Variants in KHDC4 observed in about 807,000 individuals in gnomAD.
KHDC4 encodes the protein KH domain containing 4, pre-mRNA splicing factor.
In KHDC4, 19 loss-of-function variants were observed where a neutral mutation model predicts 74.5. The observed-to-expected ratio is 0.26, with a 90% CI of 0.18 to 0.37. KHDC4 has a LOEUF of 0.37. Among genes scored for constraint, KHDC4 ranks in the 10% least tolerant of loss-of-function variants. The pLI is 1.00. For missense variants in KHDC4, 632 were observed against 754.1 expected, an observed-to-expected ratio of 0.84 and a Z score of 1.90; for synonymous variants, 253 against 266.1, an observed-to-expected ratio of 0.95 and a Z score of 0.48.
At chr1:155,927,832 C>CCACACACACACACACA (rs199711249) in intron 4 of KHDC4, among the ~76,000 whole-genome samples, 115 of 90,934 alleles carry the variant, frequency 1.3e-3, no homozygotes, top group Middle Eastern at 6.3e-3. Context: ...AAAAAAAAAA[C>CCACACACACACACACA]CACACACACA....
At chr1:155,929,568 C>T in intron 3 of KHDC4, 144 bp downstream of exon 3, 2 of 1,061,854 alleles carry the variant, frequency 1.9e-6, no homozygotes, top group South Asian at 3.2e-5. Context: ...CATTATCTTC[C>T]TCTGAAGTTA....
intron 6 of KHDC4, chr1:155,926,413 T>A: frequency 5.7e-6 from 2 of 352,818 alleles, no homozygotes; most frequent in Non-Finnish European, 5.2e-6. Context: ...CCCTGCAACC[T>A]CCACCTCCCG....
Position 155,914,262 on chromosome 1 carries a change from A to G in KHDC4, c.1704T>C (p.Ala568=), listed in dbSNP as rs2102595027. 1 of 1,614,082 alleles carries G rather than the reference A, an allele frequency of 6.2e-7. No individual in the cohort carries two copies. The highest frequency in any genetic ancestry group is 8.5e-7 in the Non-Finnish European group (1 of 1,179,986). ...CCTCCTCTTCATCAGATGAATCTGC[A>G]GCATAAGCCACCAAGCCAAATCCCT... is the stretch of plus-strand genomic sequence containing the variant. The part of the protein sequence containing the change: ...TEKGFGLVAY[A]ADSSDEEEEH... Residue 568 remains alanine, a synonymous_variant, in exon 14 of 14, where the codon GCT becomes GCC. Transcript: ENST00000368321.
rs2102600510 is a variant in KHDC4, at chr1:155,921,392, G to A, written c.1249C>T (p.Pro417Ser). 1 of 1,614,076 alleles carries A rather than the reference G, an allele frequency of 6.2e-7. No individual in the cohort carries two copies. Among genetic ancestry groups the A allele is most frequent in the Middle Eastern group, 1.6e-4 (1 of 6,062 alleles). ...CATCCTACCTGTCCAGTGCTAGCTG[G>A]AGGCTGCACTTGTGTTATCGGGTAT... ...TQYPITQVQP[P>S]ASTGQSPMGG... Residue 417 changes from proline (P) to serine (S), a missense_variant, in exon 10 of 14, where the codon CCA (proline) becomes TCA (serine). By Grantham distance (74) the Pro-to-Ser change is moderately conservative. This residue lies in a region of KHDC4 where 254 missense variants were observed against 267.4 expected (regional missense o/e 0.95). Transcript: ENST00000368321.
intron 4 of KHDC4, among the ~76,000 whole-genome samples, chr1:155,928,559 C>A (rs1674071764): frequency 7.7e-6 from 1 of 130,516 alleles, no homozygotes; most frequent in Non-Finnish European, 1.6e-5. Context: ...TAAGTCTTTA[C>A]CTGAATAATC....
intron 4 of KHDC4, among the ~76,000 whole-genome samples, chr1:155,928,593 C>CAAAAAAA (rs10555758): frequency 2.1e-4 from 19 of 89,308 alleles, no homozygotes; most frequent in African/African-American, 7.7e-4. Flanking sequence ...ATCATAAAGA[C>CAAAAAAA]AAAAAAAAAA....
Position 155,916,688 on chromosome 1 carries a change from T to C in KHDC4, c.1490A>G (p.Asn497Ser), listed in dbSNP as rs1321178147. The C allele has an allele frequency of 6.2e-7, 1 of 1,614,100 alleles. No homozygotes were observed. Among genetic ancestry groups the C allele is most frequent in the South Asian group, 1.1e-5 (1 of 91,072 alleles). Residue 497 changes from asparagine to serine, a missense_variant, in exon 12 of 14, where the codon AAT (asparagine) becomes AGT (serine). Asn to Ser is a conservative substitution (Grantham distance 46). Coordinates refer to ENST00000368321, the MANE Select transcript of KHDC4 (RefSeq NM_014949.4). Reference sequence around the variant, plus strand: ...CTTCGATCCTGCACCTTCAATCTCATTCTGACTGGAGAAGCCTGTACCTAA... The same window carrying C: ...CTTCGATCCTGCACCTTCAATCTCACTCTGACTGGAGAAGCCTGTACCTAA... The part of the protein sequence containing the change: ...TNLGTGFSSQ[N>S]EIEGAGSKPA...
intron 2 of KHDC4, among the ~76,000 whole-genome samples, chr1:155,931,514 T>C (rs1248247976): frequency 6.6e-6 from 1 of 152,098 alleles, no homozygotes; most frequent in Non-Finnish European, 1.5e-5. Flanking sequence ...AGGAAGAGAC[T>C]GTGCCACTGC....
rs1673667786 is a variant in KHDC4, at chr1:155,913,301, T to C, written c.*820A>G. ...ACAATTTGCAATTTCAGTCATTAAG[T>C]CCAAAATCCTATAGCCAGCAGTCAG... is the stretch of plus-strand genomic sequence containing the variant. On this transcript the variant is annotated 3_prime_UTR_variant, in exon 14 of 14. Coordinates refer to ENST00000368321, the MANE Select transcript of KHDC4 (RefSeq NM_014949.4). 1 of 152,642 alleles carries C rather than the reference T, an allele frequency of 6.6e-6. No individual in the cohort carries two copies. The highest frequency in any genetic ancestry group is 1.5e-5 in the Non-Finnish European group (1 of 68,042). The allele number at this position is 152,642 out of a possible 1,614,324, so 9.5% of individuals were successfully genotyped here. A position where few individuals can be genotyped will look rare whatever the true frequency, so the allele number is the denominator to read the frequency against.
chr1:155,916,938 G>A, intron 11 of KHDC4: 1 of 446,682 alleles, frequency 2.2e-6, no homozygotes, highest in East Asian at 3.8e-5. Context: ...GGACAGGGGT[G>A]TTATAATTCA....
intron 10 of KHDC4, chr1:155,919,962 T>A: frequency 3.9e-6 from 2 of 518,002 alleles, no homozygotes; most frequent in Non-Finnish European, 7.7e-6. Flanking sequence ...GACTGGGCAA[T>A]GGTTCGAGGC....
At chr1:155,929,593 C>A in intron 3 of KHDC4, 119 bp downstream of exon 3, 1 of 1,211,684 alleles carries the variant, frequency 8.3e-7, no homozygotes, top group Non-Finnish European at 1.2e-6. Context: ...AAACCCAATC[C>A]TGACTTTAGA....
intron 6 of KHDC4, chr1:155,926,472 G>C (rs1242770891): frequency 1.8e-6 from 1 of 558,908 alleles, no homozygotes; most frequent in Non-Finnish European, 3.2e-6. Flanking sequence ...TGGGGTTACA[G>C]GTGCCTGCCA....
intron 10 of KHDC4, among the ~76,000 whole-genome samples, chr1:155,918,820 T>C (rs1189083226): frequency 2.0e-5 from 3 of 152,176 alleles, no homozygotes; most frequent in Non-Finnish European, 4.4e-5. Context: ...TCATCTTACT[T>C]AATCCTTGCA....
At chr1:155,915,759 G>C in intron 13 of KHDC4, 114 bp downstream of exon 13, 3 of 638,412 alleles carry the variant, frequency 4.7e-6, no homozygotes, top group Non-Finnish European at 2.7e-6. Flanking sequence ...TGCCCACCTC[G>C]GCCTCCCAAA....
chr1:155,923,844 A>C (rs530817498), intron 7 of KHDC4, among the ~76,000 whole-genome samples, 157 bp from the exon 8 acceptor site: 1 of 152,234 alleles, frequency 6.6e-6, no homozygotes, highest in African/African-American at 2.4e-5. Context: ...AACACAAAAC[A>C]TAAGTCTTTT....
intron 10 of KHDC4, 58 bp downstream of exon 10, chr1:155,921,315 CCT>C (rs1673857989): frequency 1.9e-6 from 3 of 1,571,882 alleles, no homozygotes; most frequent in East Asian, 2.3e-5. Context: ...CACTACTTCC[CCT>C]CTTTCCCCAG....
intron 7 of KHDC4, among the ~76,000 whole-genome samples, chr1:155,924,046 G>C (rs1195968201): frequency 6.6e-6 from 1 of 152,110 alleles, no homozygotes; most frequent in Non-Finnish European, 1.5e-5. Flanking sequence ...GGCCGGGCGT[G>C]GTGGTTCACG....
chr1:155,915,874 A>C lies in KHDC4; in HGVS notation c.1644T>G (p.His548Gln). ...RNGSGTLTGS[H>Q]DYPAKKMKTT... The stretch of plus-strand genomic sequence containing the variant: ...TTCCCCCAGCTATATCACACTCACC[A>C]TGGCTCCCTGTTAAGGTCCCAGACC... Residue 548 changes from histidine to glutamine, a missense_variant and splice_region_variant, in exon 13 of 14, where the codon CAT (histidine) becomes CAG (glutamine). His to Gln is a conservative substitution (Grantham distance 24). Coordinates refer to ENST00000368321, the MANE Select transcript of KHDC4 (RefSeq NM_014949.4). 1 of 1,583,600 alleles carries C rather than the reference A, an allele frequency of 6.3e-7. No individual in the cohort carries two copies. Among genetic ancestry groups the C allele is most frequent in the South Asian group, 1.1e-5 (1 of 88,368 alleles).
Sources: gnomAD v4.1 joint callset for allele counts (sites outside exome capture counted in the v4.1 genomes callset) on GRCh38, gnomAD v4.1.1 for gene constraint, gnomAD v4.1.1 regional missense constraint, MANE v1.5 for transcripts, NCBI Gene and HGNC (gene_info 2026-07-23, HGNC 2026-07-21) for gene names.